The following ZNF672 variants were observed in gnomAD, a reference collection of about 807,000 sequenced individuals.
The protein encoded by ZNF672 is hypothetical protein FLJ22301.
For synonymous variants in ZNF672, 358 were observed against 305.6 expected (o/e 1.17, Z -1.79); for missense variants, 733 against 701.1 (o/e 1.05, Z -0.51).
intron 1 of ZNF672, among the ~76,000 whole-genome samples, chr1:248,843,269 A>C (rs1664707138): frequency 1.3e-5 from 2 of 152,234 alleles, no homozygotes; most frequent in South Asian, 4.1e-4. Context: ...AAACACATGT[A>C]CAAACATGTG....
In ZNF672 at chr1:248,848,285, G is replaced by A. The variant is rs1558240381; in HGVS notation, c.1011G>A (p.Lys337=). 6.2e-7 allele frequency: 1 copy of A among 1,603,106 alleles called. No homozygotes were observed. Among genetic ancestry groups the A allele is most frequent in the Admixed American group, 1.7e-5 (1 of 59,972 alleles). ...ACCGGCGCACGCACACGGGCGAGAA[G>A]CCCTACCGCTGCGAACTGTGCGGCA... ...TKHRRTHTGE[K]PYRCELCGKR... is the part of the protein sequence containing the mutation. Residue 337 remains lysine, a synonymous_variant, in exon 4 of 4, where the codon AAG becomes AAA. Transcript: ENST00000306562.
chr1:248,847,758 C>T lies in ZNF672; in HGVS notation c.484C>T (p.Pro162Ser). 6.7e-7 allele frequency: 1 copy of T among 1,493,932 alleles called. No individual in the cohort carries two copies. Among genetic ancestry groups the T allele is most frequent in the Non-Finnish European group, 8.9e-7 (1 of 1,122,900 alleles). The allele number at this position is 1,493,932 out of a possible 1,614,324, so 92.5% of individuals were successfully genotyped here. ...GACAACCTCTGACCCTGCTGCCCCA[C>T]CCCACCGCTGCGCGCAGTGCCCGCG... Reference protein sequence around the residue: ...LGTTSDPAAPPHRCAQCPRAF... With the variant: ...LGTTSDPAAPSHRCAQCPRAF... Residue 162 changes from proline to serine, a missense_variant, in exon 4 of 4, where the codon CCC (proline) becomes TCC (serine). Pro to Ser is a moderately conservative substitution (Grantham distance 74, BLOSUM62 -1). Coordinates refer to ENST00000306562, the MANE Select transcript of ZNF672 (RefSeq NM_024836.3).
chr1:248,848,135 T>C lies in ZNF672; in HGVS notation c.861T>C (p.Thr287=), dbSNP rs946003944. The part of the protein sequence containing the change: ...HQGERPHACA[T]CGKGFGQRSD... The stretch of plus-strand genomic sequence containing the variant: ...GCGAGCGGCCACATGCGTGCGCCAC[T>C]TGCGGCAAGGGTTTCGGGCAGCGCT... The change falls in exon 4 of 4, where the codon ACT becomes ACC. Residue 287 remains threonine (T), a synonymous_variant. Transcript: ENST00000306562. The C allele has an allele frequency of 1.9e-5, 30 of 1,573,312 alleles. No individual in the cohort carries two copies. The highest frequency in any genetic ancestry group is 2.6e-5 in the Non-Finnish European group (30 of 1,164,142).
rs1429362867 is a variant in ZNF672 at position 248,848,350 on chromosome 1, G to T, written c.1076G>T (p.Arg359Leu). 6.2e-7 allele frequency: 1 copy of T among 1,601,330 alleles called. No homozygotes were observed. The highest frequency in any genetic ancestry group is 8.5e-7 in the Non-Finnish European group (1 of 1,179,746). Residue 359 changes from arginine to leucine, a missense_variant, in exon 4 of 4, where the codon CGC (arginine) becomes CTC (leucine). Transcript: ENST00000306562. ...TCVSNLNVHR[R>L]NHAGHKPHKC... ...GTGTCCAATCTCAACGTGCATCGGCGCAACCATGCCGGCCACAAGCCACAC... is the reference window on the plus strand; with the variant it reads ...GTGTCCAATCTCAACGTGCATCGGCTCAACCATGCCGGCCACAAGCCACAC...
At chr1:248,846,314 A>C (rs1236870085) in intron 3 of ZNF672, among the ~76,000 whole-genome samples, 2 of 152,180 alleles carry the variant, frequency 1.3e-5, no homozygotes, top group Non-Finnish European at 2.9e-5. Context: ...TAATGCCACC[A>C]ACTTTTAATA....
At position 248,847,652 on chromosome 1, in the gene ZNF672, G is replaced by T. The variant is rs1030940529; in HGVS notation, c.378G>T (p.Arg126=). The change falls in exon 4 of 4, where the codon CGG becomes CGT. Residue 126 remains arginine, a synonymous_variant. Coordinates refer to ENST00000306562, the MANE Select transcript of ZNF672 (RefSeq NM_024836.3). ...LHRRRQHLPE[R]PRRCPLCART... is the part of the protein sequence containing the mutation. ...GGCGCCGCCAGCATCTGCCAGAGCG[G>T]CCCCGCCGCTGCCCGCTGTGCGCCC... 1 of 1,500,546 alleles carries T rather than the reference G, an allele frequency of 6.7e-7. No individual in the cohort carries two copies. Among genetic ancestry groups the T allele is most frequent in the Middle Eastern group, 2.2e-4 (1 of 4,622 alleles). The allele number at this position is 1,500,546 out of a possible 1,614,324, so 93.0% of individuals were successfully genotyped here.
chr1:248,847,742 T>A lies in ZNF672; in HGVS notation c.468T>A (p.Ser156=). The change falls in exon 4 of 4, where the codon TCT becomes TCA. Residue 156 remains serine, a synonymous_variant. Transcript: ENST00000306562. Reference sequence around the variant, plus strand: ...GGGCGCACCCCTTGGGGACAACCTCTGACCCTGCTGCCCCACCCCACCGCT... The same window carrying A: ...GGGCGCACCCCTTGGGGACAACCTCAGACCCTGCTGCCCCACCCCACCGCT... ...QARAHPLGTT[S]DPAAPPHRCA... The A allele has an allele frequency of 2.7e-6, 4 of 1,479,852 alleles. No individual in the cohort carries two copies. The highest frequency in any genetic ancestry group is 1.8e-6 in the Non-Finnish European group (2 of 1,117,300). 91.7% of individuals were successfully genotyped at this position (1,479,852 alleles called of 1,614,324 possible). A position where few individuals can be genotyped will look rare whatever the true frequency, so the allele number is the denominator to read the frequency against.
rs762680458 is a variant in ZNF672, at chr1:248,848,039, C to G, written c.765C>G (p.Tyr255Ter). ...HQRTHTGEKP[Y>*]ACGDCGRCFS... is the part of the protein sequence containing the mutation. ...GCACACACACGGGCGAGAAGCCGTACGCATGTGGCGACTGTGGACGCTGCT... is the reference window on the plus strand; with the variant it reads ...GCACACACACGGGCGAGAAGCCGTAGGCATGTGGCGACTGTGGACGCTGCT... Residue 255 changes from tyrosine (Y) to a stop codon, truncating the protein, a stop_gained, in exon 4 of 4, where the codon TAC becomes TAG. Coordinates refer to ENST00000306562, the MANE Select transcript of ZNF672 (RefSeq NM_024836.3). LOFTEE classifies it low-confidence loss of function (END_TRUNC). 2 of 1,553,122 alleles carry G rather than the reference C, an allele frequency of 1.3e-6. No homozygotes were observed. The highest frequency in any genetic ancestry group is 1.9e-5 in the Admixed American group (1 of 51,632).
rs777905104 is a variant in ZNF672, at chr1:248,848,217, G to C, written c.943G>C (p.Glu315Gln). The change falls in exon 4 of 4, where the codon GAG becomes CAG. Residue 315 changes from glutamate to glutamine, a missense_variant. Coordinates refer to ENST00000306562, the MANE Select transcript of ZNF672 (RefSeq NM_024836.3). ...HTGEKPFACP[E>Q]CGRRFSDRSD... is the part of the protein sequence containing the mutation. ...GGGCGAGAAGCCCTTCGCGTGCCCC[G>C]AGTGCGGCCGCCGCTTCAGCGACCG... 17 of 1,599,820 alleles carry C rather than the reference G, an allele frequency of 1.1e-5. No homozygotes were observed. The highest frequency in any genetic ancestry group is 1.4e-5 in the Non-Finnish European group (17 of 1,176,886).
Position 248,847,454 on chromosome 1 carries a change from C to A in ZNF672, c.180C>A (p.His60Gln). Residue 60 changes from histidine (H) to glutamine (Q), a missense_variant, in exon 4 of 4, where the codon CAC becomes CAA. By Grantham distance (24) the His-to-Gln change is conservative. Transcript: ENST00000306562. ...RCARAADLRA[H>Q]RRTHAGQTLY... ...CACGGGCTGCTGACCTCCGAGCGCA[C>A]AGGCGCACGCATGCTGGCCAGACCC... The A allele has an allele frequency of 4.4e-6, 7 of 1,592,290 alleles. No homozygotes were observed. Among genetic ancestry groups the A allele is most frequent in the Non-Finnish European group, 6.0e-6 (7 of 1,169,506 alleles).
chr1:248,847,761 C>G lies in ZNF672; in HGVS notation c.487C>G (p.His163Asp). The change falls in exon 4 of 4, where the codon CAC becomes GAC. Residue 163 changes from histidine to aspartate, a missense_variant. His to Asp is a moderately conservative substitution (Grantham distance 81). Transcript: ENST00000306562. ...GTTSDPAAPP[H>D]RCAQCPRAFR... is the part of the protein sequence containing the mutation. Reference sequence around the variant, plus strand: ...AACCTCTGACCCTGCTGCCCCACCCCACCGCTGCGCGCAGTGCCCGCGAGC... The same window carrying G: ...AACCTCTGACCCTGCTGCCCCACCCGACCGCTGCGCGCAGTGCCCGCGAGC... The G allele has an allele frequency of 6.7e-7, 1 of 1,499,070 alleles. No individual in the cohort carries two copies. Among genetic ancestry groups the G allele is most frequent in the Non-Finnish European group, 8.9e-7 (1 of 1,125,048 alleles). The allele number at this position is 1,499,070 out of a possible 1,614,324, so 92.9% of individuals were successfully genotyped here. A position where few individuals can be genotyped will look rare whatever the true frequency, so the allele number is the denominator to read the frequency against.
chr1:248,849,201 T>C lies in ZNF672; in HGVS notation c.*568T>C. ...CTCACTTCCATGAAGGATGTCTCCATGCTAGGAGCTGCCTGCACCCTGGCA... is the reference window on the plus strand; with the variant it reads ...CTCACTTCCATGAAGGATGTCTCCACGCTAGGAGCTGCCTGCACCCTGGCA... On this transcript the variant is annotated 3_prime_UTR_variant, in exon 4 of 4. Transcript: ENST00000306562. 2.4e-6 allele frequency: 1 copy of C among 420,282 alleles called. No homozygotes were observed. Among genetic ancestry groups the C allele is most frequent in the South Asian group, 1.9e-5 (1 of 53,804 alleles). 26.0% of individuals were successfully genotyped at this position (420,282 alleles called of 1,614,324 possible).
intron 2 of ZNF672, among the ~76,000 whole-genome samples, chr1:248,845,251 G>C (rs185637536): frequency 6.6e-6 from 1 of 152,156 alleles, no homozygotes; most frequent in African/African-American, 2.4e-5. Flanking sequence ...GACAGGGCGA[G>C]ACTGTCAGAA....
Position 248,848,459 on chromosome 1 carries a change from G to GGAGTGCGCA in ZNF672, c.1193_1201dup (p.Ala398_Cys400dup). On this transcript the variant is annotated inframe_insertion, in exon 4 of 4. Transcript: ENST00000306562. ...AGACGCACCTGGGCGAACGGCCAGCGGAGTGCGCAGAGTGCGGCAAGTGCT... is the reference window on the plus strand; with the variant it reads ...AGACGCACCTGGGCGAACGGCCAGCGGAGTGCGCAGAGTGCGCAGAGTGCGGCAAGTGCT... 1 of 1,607,734 alleles carries GGAGTGCGCA rather than the reference G, an allele frequency of 6.2e-7. No individual in the cohort carries two copies. Among genetic ancestry groups the GGAGTGCGCA allele is most frequent in the South Asian group, 1.1e-5 (1 of 90,808 alleles).
chr1:248,841,310 G>A (rs1367161095), intron 1 of ZNF672, among the ~76,000 whole-genome samples: 2 of 152,220 alleles, frequency 1.3e-5, no homozygotes, highest in African/African-American at 4.8e-5. Context: ...GGGAAGGTGT[G>A]AAAGACCTTA....
Position 248,847,492 on chromosome 1 carries a change from G to A in ZNF672, c.218G>A (p.Ser73Asn). Residue 73 changes from serine to asparagine, a missense_variant, in exon 4 of 4, where the codon AGT becomes AAT. Coordinates refer to ENST00000306562, the MANE Select transcript of ZNF672 (RefSeq NM_024836.3). ...THAGQTLYICSECGQSFRHSG... is the reference protein window; with the variant it reads ...THAGQTLYICNECGQSFRHSG... ...GCTGGCCAGACCCTCTACATCTGCA[G>A]TGAGTGCGGACAAAGCTTCCGCCAC... 3 of 1,597,588 alleles carry A rather than the reference G, an allele frequency of 1.9e-6. No individual in the cohort carries two copies. Among genetic ancestry groups the A allele is most frequent in the Non-Finnish European group, 1.7e-6 (2 of 1,172,348 alleles).
chr1:248,846,587 C>T (rs1664764074), intron 3 of ZNF672, among the ~76,000 whole-genome samples: 1 of 152,184 alleles, frequency 6.6e-6, no homozygotes, highest in African/African-American at 2.4e-5. Context: ...CCGCTTTGTT[C>T]TTCCAGCCCA....
chr1:248,848,417 GCTTGC>G lies in ZNF672; in HGVS notation c.1144_1148del (p.Leu382ThrfsTer56). 6.2e-7 allele frequency: 1 copy of G among 1,606,370 alleles called. No homozygotes were observed. The highest frequency in any genetic ancestry group is 2.2e-5 in the East Asian group (1 of 44,868). ...GCAAGGCCTTCAGCGTCGCCTCCAA[GCTTGC>G]ACTGCACCGCAAGACGCACCTGGGC... is the stretch of plus-strand genomic sequence containing the variant. On this transcript the variant is annotated frameshift_variant, in exon 4 of 4. Coordinates refer to ENST00000306562, the MANE Select transcript of ZNF672 (RefSeq NM_024836.3). LOFTEE classifies it low-confidence loss of function (END_TRUNC).
At position 248,848,701 on chromosome 1, in the gene ZNF672, A is replaced by G; in HGVS notation, c.*68A>G. On this transcript the variant is annotated 3_prime_UTR_variant, in exon 4 of 4. Coordinates refer to ENST00000306562, the MANE Select transcript of ZNF672 (RefSeq NM_024836.3). ...AGCACCTATATAGTATCACGGGGAC[A>G]GTTGAGGCAACTCGTAGATGGAGAT... 6.7e-7 allele frequency: 1 copy of G among 1,498,308 alleles called. No homozygotes were observed. Among genetic ancestry groups the G allele is most frequent in the Non-Finnish European group, 8.9e-7 (1 of 1,126,316 alleles). 92.8% of individuals were successfully genotyped at this position (1,498,308 alleles called of 1,614,324 possible).
Sources: gnomAD v4.1 joint callset for allele counts (sites outside exome capture counted in the v4.1 genomes callset) on GRCh38, gnomAD v4.1.1 for gene constraint, MANE v1.5 for transcripts, NCBI Gene and HGNC (gene_info 2026-07-23, HGNC 2026-07-21) for gene names.